Variants in CD209 observed in about 807,000 individuals in gnomAD.
The protein encoded by CD209 is CD209 antigen.
In CD209, 31 loss-of-function variants were observed where a neutral mutation model predicts 44.7. That is an observed-to-expected ratio of 0.69 (90% CI 0.52 to 0.94). CD209 has a LOEUF of 0.94. CD209 is among the 40% of genes least tolerant of loss of function. The pLI is 0.00. For synonymous variants in CD209, 173 were observed against 181.3 expected, an observed-to-expected ratio of 0.95 and a Z score of 0.37; for missense variants, 407 against 452.4, an observed-to-expected ratio of 0.90 and a Z score of 0.91.
intron 2 of CD209, 84 bp from the exon 3 acceptor site, chr19:7,746,615 C>A (rs1323191872): frequency 1.4e-5 from 19 of 1,369,614 alleles, no homozygotes; most frequent in Non-Finnish European, 1.9e-5. Context: ...CCCTCAGCAC[C>A]CCAGGACCCA....
At position 7,745,019 on chromosome 19, in the gene CD209, C is replaced by T; in HGVS notation, c.822G>A (p.Gln274=). The part of the protein sequence containing the change: ...QGNCYFMSNS[Q]RNWHDSITAC... ...CGGTGATGGAGTCGTGCCAGTTCCGCTGGGAGTTAGACATGAAGTAACAGT... is the reference window on the plus strand; with the variant it reads ...CGGTGATGGAGTCGTGCCAGTTCCGTTGGGAGTTAGACATGAAGTAACAGT... Residue 274 remains glutamine, a synonymous_variant, in exon 5 of 7, where the codon CAG becomes CAA. Transcript: ENST00000315599. 6.2e-7 allele frequency: 1 copy of T among 1,614,238 alleles called. No homozygotes were observed. The highest frequency in any genetic ancestry group is 8.5e-7 in the Non-Finnish European group (1 of 1,180,052).
intron 2 of CD209, 25 bp downstream of exon 2, chr19:7,747,281 T>C (rs767498403): frequency 5.0e-6 from 8 of 1,613,710 alleles, no homozygotes; most frequent in South Asian, 2.2e-5. Flanking sequence ...TCGTCTCTCC[T>C]CCCAAACTGC....
Position 7,740,663 on chromosome 19 carries a change from G to C in CD209, c.*2376C>G. 1.3e-6 allele frequency: 1 copy of C among 778,182 alleles called. No homozygotes were observed. The highest frequency in any genetic ancestry group is 2.4e-6 in the Non-Finnish European group (1 of 417,916). The allele number at this position is 778,182 out of a possible 1,614,324, so 48.2% of individuals were successfully genotyped here. On this transcript the variant is annotated 3_prime_UTR_variant, in exon 7 of 7. Transcript: ENST00000315599. ...GAAGAGAGAGGCAAAGATTACATGAGGAGTGGTTGCTGAGAGAGCAGAAGG... is the reference window on the plus strand; with the variant it reads ...GAAGAGAGAGGCAAAGATTACATGACGAGTGGTTGCTGAGAGAGCAGAAGG...
rs946921379 is a variant in CD209 at position 7,742,936 on chromosome 19, C to T, written c.*103G>A. ...ACAAGAAGGACAGAATGGGACCCAG[C>T]CTTCTAAAGGAGGAAGAATCTGACA... On this transcript the variant is annotated 3_prime_UTR_variant, in exon 7 of 7. Transcript: ENST00000315599. The T allele has an allele frequency of 1.0e-6, 1 of 961,886 alleles. No homozygotes were observed. Among genetic ancestry groups the T allele is most frequent in the Non-Finnish European group, 1.6e-6 (1 of 613,924 alleles). The allele number at this position is 961,886 out of a possible 1,614,324, so 59.6% of individuals were successfully genotyped here.
At chr19:7,746,189 T>C (rs1432078241) in intron 3 of CD209, 102 bp from the exon 4 acceptor site, 6 of 1,510,288 alleles carry the variant, frequency 4.0e-6, no homozygotes, top group Admixed American at 2.1e-5. Flanking sequence ...GCCAAGGTCT[T>C]GGTTAATCCC....
At chr19:7,746,136 G>A in intron 3 of CD209, 49 bp from the exon 4 acceptor site, 1 of 1,608,690 alleles carries the variant, frequency 6.2e-7, no homozygotes, top group East Asian at 2.2e-5. Flanking sequence ...CCTACTGTGT[G>A]CCAAGCCTTG....
In CD209 at chr19:7,741,752, T is replaced by C; in HGVS notation, c.*1287A>G. The C allele has an allele frequency of 1.8e-6, 1 of 566,500 alleles. No individual in the cohort carries two copies. Among genetic ancestry groups the C allele is most frequent in the Non-Finnish European group, 3.4e-6 (1 of 292,746 alleles). The allele number at this position is 566,500 out of a possible 1,614,324, so 35.1% of individuals were successfully genotyped here. A position where few individuals can be genotyped will look rare whatever the true frequency, so the allele number is the denominator to read the frequency against. On this transcript the variant is annotated 3_prime_UTR_variant, in exon 7 of 7. Coordinates refer to ENST00000315599, the MANE Select transcript of CD209 (RefSeq NM_021155.4). The stretch of plus-strand genomic sequence containing the variant: ...ACAACAATGTCCAAGAGGAAAACAC[T>C]GCAACTTTCTTCAGGTGTTGAGAAA...
In CD209 at chr19:7,741,549, T is replaced by C; in HGVS notation, c.*1490A>G. On this transcript the variant is annotated 3_prime_UTR_variant, in exon 7 of 7. Transcript: ENST00000315599. Reference sequence around the variant, plus strand: ...GAGAGTGATTCAGTTCAAGGTCAGTTGCAACTTGGAACCTCACCTGAGGGG... The same window carrying C: ...GAGAGTGATTCAGTTCAAGGTCAGTCGCAACTTGGAACCTCACCTGAGGGG... The C allele has an allele frequency of 1.6e-6, 1 of 634,162 alleles. No homozygotes were observed. The allele number at this position is 634,162 out of a possible 1,614,324, so 39.3% of individuals were successfully genotyped here. A position where few individuals can be genotyped will look rare whatever the true frequency, so the allele number is the denominator to read the frequency against.
Position 7,741,890 on chromosome 19 carries a change from G to T in CD209, c.*1149C>A. 1 of 449,662 alleles carries T rather than the reference G, an allele frequency of 2.2e-6. No homozygotes were observed. The highest frequency in any genetic ancestry group is 1.9e-5 in the South Asian group (1 of 51,882). The allele number at this position is 449,662 out of a possible 1,614,324, so 27.9% of individuals were successfully genotyped here. A position where few individuals can be genotyped will look rare whatever the true frequency, so the allele number is the denominator to read the frequency against. On this transcript the variant is annotated 3_prime_UTR_variant, in exon 7 of 7. Coordinates refer to ENST00000315599, the MANE Select transcript of CD209 (RefSeq NM_021155.4). ...TGCGGGGAAGGAGAACCCTAGTCCA[G>T]ACCATTCCTACAAAAGAAATGGGGA...
chr19:7,743,429 C>A (rs1389506183), intron 6 of CD209, among the ~76,000 whole-genome samples, 189 bp from the exon 7 acceptor site: 1 of 152,100 alleles, frequency 6.6e-6, no homozygotes. Context: ...CACAACCTGT[C>A]CTTGGGTGGA....
In CD209 at chr19:7,740,471, A is replaced by G. The variant is rs11465417; in HGVS notation, c.*2568T>C. The G allele has an allele frequency of 1.2e-3, 989 of 859,256 alleles. 8 individuals are homozygous for G. The African/African-American group carries it at 0.015, about 13-fold the overall frequency. The allele number at this position is 859,256 out of a possible 1,614,324, so 53.2% of individuals were successfully genotyped here. On this transcript the variant is annotated 3_prime_UTR_variant, in exon 7 of 7. Coordinates refer to ENST00000315599, the MANE Select transcript of CD209 (RefSeq NM_021155.4). ...GTGCCGGCAAGATGGCTGCGCCCGAAAAGGTGACATTTCCAGAGAAACCAA... is the reference window on the plus strand; with the variant it reads ...GTGCCGGCAAGATGGCTGCGCCCGAGAAGGTGACATTTCCAGAGAAACCAA...
In CD209 at chr19:7,744,148, T is replaced by C; in HGVS notation, c.972A>G (p.Glu324=). ...AGCCGTCCACCCATTGCCACGTGCC[T>C]TCCTGATTTAGATCTGAAAGTCCCA... is the stretch of plus-strand genomic sequence containing the variant. The part of the protein sequence containing the change: ...TWMGLSDLNQ[E]GTWQWVDGSP... The change falls in exon 6 of 7, where the codon GAA becomes GAG. Residue 324 remains glutamate, a synonymous_variant. Coordinates refer to ENST00000315599, the MANE Select transcript of CD209 (RefSeq NM_021155.4). 1.2e-6 allele frequency: 2 copies of C among 1,614,160 alleles called. No homozygotes were observed. Among genetic ancestry groups the C allele is most frequent in the Non-Finnish European group, 1.7e-6 (2 of 1,179,996 alleles).
chr19:7,746,135 T>C, intron 3 of CD209, 48 bp from the exon 4 acceptor site: 1 of 1,609,052 alleles, frequency 6.2e-7, no homozygotes, highest in Non-Finnish European at 8.5e-7. Flanking sequence ...ACCTACTGTG[T>C]GCCAAGCCTT....
intron 1 of CD209, 39 bp downstream of exon 1, chr19:7,747,427 C>T (rs775293749): frequency 8.7e-6 from 14 of 1,614,128 alleles, no homozygotes; most frequent in East Asian, 6.7e-5. Flanking sequence ...GCCATCCCTT[C>T]CCCCTTCCCA....
chr19:7,741,128 C>T lies in CD209; in HGVS notation c.*1911G>A. On this transcript the variant is annotated 3_prime_UTR_variant, in exon 7 of 7. Coordinates refer to ENST00000315599, the MANE Select transcript of CD209 (RefSeq NM_021155.4). ...AGCCTGGAGTACAGCGAGGAAGAAA[C>T]CTACCAACAGTTCCTAGATTTCTGT... 1 of 1,071,490 alleles carries T rather than the reference C, an allele frequency of 9.3e-7. No individual in the cohort carries two copies. Among genetic ancestry groups the T allele is most frequent in the South Asian group, 1.5e-5 (1 of 68,874 alleles). The allele number at this position is 1,071,490 out of a possible 1,614,324, so 66.4% of individuals were successfully genotyped here.
Position 7,740,933 on chromosome 19 carries a change from T to C in CD209, c.*2106A>G, listed in dbSNP as rs1413960171. On this transcript the variant is annotated 3_prime_UTR_variant, in exon 7 of 7. Coordinates refer to ENST00000315599, the MANE Select transcript of CD209 (RefSeq NM_021155.4). Reference sequence around the variant, plus strand: ...AACCCCCCCTTGGATTTCAGAGTCATGGAGAAGGATGGAGTTAATTGTCCC... The same window carrying C: ...AACCCCCCCTTGGATTTCAGAGTCACGGAGAAGGATGGAGTTAATTGTCCC... The C allele has an allele frequency of 1.5e-4, 106 of 720,504 alleles. No homozygotes were observed. Among genetic ancestry groups the C allele is most frequent in the Admixed American group, 2.1e-5 (1 of 47,510 alleles). 44.6% of individuals were successfully genotyped at this position (720,504 alleles called of 1,614,324 possible).
rs1456775228 is a variant in CD209 at position 7,742,300 on chromosome 19, AC to A, written c.*738del. 3 of 152,250 alleles carry A rather than the reference AC, an allele frequency of 2.0e-5. No homozygotes were observed. The highest frequency in any genetic ancestry group is 7.3e-5 in the African/African-American group (3 of 41,376). The allele number at this position is 152,250 out of a possible 1,614,324, so 9.4% of individuals were successfully genotyped here. A position where few individuals can be genotyped will look rare whatever the true frequency, so the allele number is the denominator to read the frequency against. On this transcript the variant is annotated 3_prime_UTR_variant, in exon 7 of 7. Transcript: ENST00000315599. The stretch of plus-strand genomic sequence containing the variant: ...GAGAAACCCCATCTGTACTAAAAAT[AC>A]AAAAAATTAGCCGGGTCTGGTGGCG...
chr19:7,746,707 C>T (rs11465373), intron 2 of CD209, among the ~76,000 whole-genome samples, 176 bp from the exon 3 acceptor site: 9,420 of 149,296 alleles, frequency 0.063, 413 homozygotes, highest in Non-Finnish European at 0.089. Flanking sequence ...CCAGGGACCC[C>T]GTCCCCAGCC....
At chr19:7,744,889 G>C in intron 5 of CD209, 52 bp downstream of exon 5, 1 of 1,602,582 alleles carries the variant, frequency 6.2e-7, no homozygotes, top group Non-Finnish European at 8.5e-7. Flanking sequence ...CTCCTCCCCA[G>C]TTGGCCAGAA....
Sources: allele counts gnomAD v4.1 joint callset (sites outside exome capture counted in the v4.1 genomes callset), GRCh38; gene constraint gnomAD v4.1.1; transcripts MANE v1.5; gene names NCBI Gene and HGNC (gene_info 2026-07-23, HGNC 2026-07-21).